UPRT: variants seen among roughly 807,000 people sequenced by gnomAD.
UPRT encodes the protein RP11-311P8.3.
In UPRT, 5 loss-of-function variants were observed where a neutral mutation model predicts 22.6. The ratio of observed to expected loss-of-function variants is 0.22; its 90% CI spans 0.12 to 0.47. The LOEUF (loss-of-function observed/expected upper bound fraction) is 0.47. Among genes scored for constraint, UPRT ranks in the 20% least tolerant of loss-of-function variants. The pLI is 0.99. For missense variants in UPRT, 181 were observed against 239.9 expected (o/e 0.75, Z 1.62); for synonymous variants, 77 against 87.7 (o/e 0.88, Z 0.68).
chrX:75,254,942 A>G (rs1436723139), intron 4 of UPRT, among the ~76,000 whole-genome samples: 2 of 108,941 alleles, frequency 1.8e-5, no homozygotes, highest in Non-Finnish European at 3.8e-5. Flanking sequence ...CACCCGGCTA[A>G]TTTTTTGTAT....
intron 1 of UPRT, among the ~76,000 whole-genome samples, chrX:75,281,848 C>A (rs1232187102): frequency 1.8e-5 from 2 of 111,237 alleles, no homozygotes; most frequent in African/African-American, 6.5e-5. Flanking sequence ...GTTTTCAATT[C>A]TTCTTTGAAT....
At chrX:75,166,168 AT>A (rs1304052814) in intron 3 of UPRT, among the ~76,000 whole-genome samples, 1 of 111,559 alleles carries the variant, frequency 9.0e-6, no homozygotes, top group African/African-American at 3.3e-5. Context: ...GCTTGTTATC[AT>A]TTTATTCCTC....
At chrX:75,240,640 G>T (rs2082485527) in intron 4 of UPRT, among the ~76,000 whole-genome samples, 1 of 111,399 alleles carries the variant, frequency 9.0e-6, no homozygotes. Flanking sequence ...TAAGCAAAAA[G>T]AACAAATCTG....
intron 4 of UPRT, among the ~76,000 whole-genome samples, chrX:75,262,625 A>C (rs2082572657): frequency 9.0e-6 from 1 of 110,738 alleles, no homozygotes; most frequent in Non-Finnish European, 1.9e-5. Flanking sequence ...CAAACAAACA[A>C]ACAAACAAAA....
intron 4 of UPRT, among the ~76,000 whole-genome samples, chrX:75,261,029 G>C (rs2082566009): frequency 8.9e-6 from 1 of 111,879 alleles, no homozygotes; most frequent in Non-Finnish European, 1.9e-5. Flanking sequence ...AATGAAAGCA[G>C]AAATAAAGAT....
At chrX:75,233,966 C>A (rs1195643849) in intron 4 of UPRT, among the ~76,000 whole-genome samples, 1 of 111,053 alleles carries the variant, frequency 9.0e-6, no homozygotes, top group Non-Finnish European at 1.9e-5. Context: ...GGACTAAATG[C>A]TCCAATTAAA....
chrX:75,255,972 CAAAT>C (rs1196747251), intron 4 of UPRT, among the ~76,000 whole-genome samples: 3 of 111,767 alleles, frequency 2.7e-5, no homozygotes, highest in Non-Finnish European at 5.6e-5. Flanking sequence ...AGAAAGTCAA[CAAAT>C]AAACAATGGA....
At chrX:75,250,378 T>C (rs950036210) in intron 4 of UPRT, among the ~76,000 whole-genome samples, 7 of 110,317 alleles carry the variant, frequency 6.3e-5, no homozygotes, top group African/African-American at 2.3e-4. Flanking sequence ...ATAAAGGGGA[T>C]ATCACCACCG....
intron 4 of UPRT, among the ~76,000 whole-genome samples, chrX:75,225,617 C>A (rs190190027): frequency 3.7e-4 from 41 of 111,666 alleles, no homozygotes; most frequent in African/African-American, 1.3e-3. Flanking sequence ...CAGACTTGAG[C>A]AGATATTTCT....
chrX:75,274,742 A>G, intron 1 of UPRT, 102 bp downstream of exon 1: 1 of 973,125 alleles, frequency 1.0e-6, no homozygotes, highest in South Asian at 2.5e-5. Context: ...TGGCCTTGGC[A>G]AACTTTGGAG....
At chrX:75,212,970 A>G (rs1290443492) in intron 4 of UPRT, among the ~76,000 whole-genome samples, 1 of 112,713 alleles carries the variant, frequency 8.9e-6, no homozygotes, top group Non-Finnish European at 1.9e-5. Flanking sequence ...TAAAAAATAA[A>G]GTAGTTGGCT....
intron 4 of UPRT, among the ~76,000 whole-genome samples, chrX:75,265,665 C>G (rs888800184): frequency 8.9e-6 from 1 of 111,999 alleles, no homozygotes. Flanking sequence ...CATCTGAAGC[C>G]TTCTTCTCTA....
chrX:75,173,996 C>A, intron 4 of UPRT, among the ~76,000 whole-genome samples: 1 of 111,238 alleles, frequency 9.0e-6, no homozygotes, highest in Non-Finnish European at 1.9e-5. Flanking sequence ...CACCTCCCTG[C>A]AAGCTGAGGG....
chrX:75,189,955 T>C (rs898116511), intron 4 of UPRT, among the ~76,000 whole-genome samples: 5 of 112,293 alleles, frequency 4.5e-5, no homozygotes, highest in African/African-American at 1.3e-4. Flanking sequence ...CTTCTTTCAA[T>C]TGAAGCATTT....
upstream of UPRT, among the ~76,000 whole-genome samples, chrX:75,273,115 A>G (rs2082617067): frequency 9.0e-6 from 1 of 111,440 alleles, no homozygotes; most frequent in Non-Finnish European, 1.9e-5. Context: ...TATAAGTGGG[A>G]GCTAAATGAT....
At chrX:75,185,185 A>C (rs1048810356) in intron 4 of UPRT, among the ~76,000 whole-genome samples, 1 of 111,623 alleles carries the variant, frequency 9.0e-6, no homozygotes, top group African/African-American at 3.3e-5. Context: ...ATTATTTTGA[A>C]ATACATCCCA....
chrX:75,186,304 T>A (rs2082291004), intron 4 of UPRT, among the ~76,000 whole-genome samples: 1 of 111,988 alleles, frequency 8.9e-6, no homozygotes, highest in East Asian at 2.8e-4. Flanking sequence ...AGGAGCAGGT[T>A]GTTCAGTTTC....
At chrX:75,205,301 C>A (rs1364103219) in intron 4 of UPRT, among the ~76,000 whole-genome samples, 3 of 96,093 alleles carry the variant, frequency 3.1e-5, no homozygotes, top group Non-Finnish European at 6.0e-5. Context: ...ACCCGGGAAG[C>A]GGAACTTGCA....
intron 4 of UPRT, among the ~76,000 whole-genome samples, chrX:75,298,794 G>A (rs2082734865): frequency 9.0e-6 from 1 of 111,584 alleles, no homozygotes; most frequent in Admixed American, 9.6e-5. Flanking sequence ...CTTTTAAGGT[G>A]CAGTTTCTTC....
Sources: allele counts gnomAD v4.1 joint callset (sites outside exome capture counted in the v4.1 genomes callset), GRCh38; gene constraint gnomAD v4.1.1; transcripts MANE v1.5; gene names NCBI Gene and HGNC (gene_info 2026-07-23, HGNC 2026-07-21).